The following ARHGAP8 variants were observed in gnomAD, a reference collection of about 807,000 sequenced individuals.
ARHGAP8 encodes the protein Rho GTPase activating protein 8.
Under a neutral mutation model 46.1 loss-of-function variants are expected in ARHGAP8, and 62 were observed. The observed-to-expected ratio is 1.34, with a 90% confidence interval of 1.10 to 1.66. The LOEUF is 1.66. Among genes scored for constraint, ARHGAP8 ranks in the 40% most tolerant of loss-of-function variants. The probability of loss-of-function intolerance (pLI) is 0.00; values close to 1 mark genes in which losing one functional copy is unlikely to be tolerated. For missense variants in ARHGAP8, 923 were observed against 568.4 expected, an observed-to-expected ratio of 1.62 and a Z score of -6.34; for synonymous variants, 375 against 243.1, an observed-to-expected ratio of 1.54 and a Z score of -5.05.
Position 44,779,564 on chromosome 22 carries a change from AT to A in ARHGAP8, c.-71-6878del, listed in dbSNP as rs132489. On this transcript the variant is annotated intron_variant, in intron 1 of 11. Transcript: ENST00000356099. ...TACATGGGCGGTTTCCAGTTTGAGGATTTTTTTTTTTTTTTGAGTTGGAGTC... is the reference window on the plus strand; with the variant it reads ...TACATGGGCGGTTTCCAGTTTGAGGATTTTTTTTTTTTTTGAGTTGGAGTC... Among the ~76,000 whole-genome samples, 1,147 of 126,228 alleles carry A rather than the reference AT, an allele frequency of 9.1e-3. 24 individuals are homozygous for A. The highest frequency in any genetic ancestry group is 0.033 in the African/African-American group (1,072 of 32,900). 82.8% of individuals were successfully genotyped at this position (126,228 alleles called of 152,430 possible).
At chr22:44,830,232 C>A (rs1012215877) in intron 7 of ARHGAP8, among the ~76,000 whole-genome samples, 2 of 152,038 alleles carry the variant, frequency 1.3e-5, no homozygotes, top group African/African-American at 2.4e-5. Flanking sequence ...CCGTGTTGGC[C>A]AGGCTGGTCG....
intron 10 of ARHGAP8, among the ~76,000 whole-genome samples, chr22:44,852,898 G>T (rs2070131992): frequency 6.6e-6 from 1 of 152,178 alleles, no homozygotes; most frequent in South Asian, 2.1e-4. Flanking sequence ...CACCTCCCAG[G>T]TTCAAGCCTT....
intron 4 of ARHGAP8, among the ~76,000 whole-genome samples, chr22:44,811,624 AG>A (rs146600716): frequency 2.6e-5 from 4 of 152,326 alleles, no homozygotes; most frequent in Non-Finnish European, 5.9e-5. Flanking sequence ...AGCAAAAAGG[AG>A]GGACACTCTA....
intron 1 of ARHGAP8, among the ~76,000 whole-genome samples, chr22:44,785,753 CA>C (rs1393689154): frequency 6.6e-6 from 1 of 152,170 alleles, no homozygotes; most frequent in African/African-American, 2.4e-5. Context: ...ATTGGTTTTG[CA>C]TGAGAACCTC....
intron 10 of ARHGAP8, among the ~76,000 whole-genome samples, chr22:44,852,377 C>T (rs918696138): frequency 5.3e-5 from 8 of 151,912 alleles, no homozygotes; most frequent in African/African-American, 1.5e-4. Flanking sequence ...GGAAGACCCC[C>T]TCCCATTAGA....
intron 2 of ARHGAP8, chr22:44,801,735 C>T (rs896276391): frequency 1.1e-5 from 3 of 282,952 alleles, no homozygotes; most frequent in Non-Finnish European, 2.0e-5. Context: ...GGTAGAGTGG[C>T]TACACCCTGC....
chr22:44,826,738 T>C (rs566566620), intron 7 of ARHGAP8, among the ~76,000 whole-genome samples: 2 of 152,054 alleles, frequency 1.3e-5, no homozygotes, highest in African/African-American at 2.4e-5. Context: ...CCAGGGTAGA[T>C]TTTGAAACAT....
At chr22:44,802,191 G>T in intron 3 of ARHGAP8, 27 bp downstream of exon 3, 1 of 1,612,848 alleles carries the variant, frequency 6.2e-7, no homozygotes, top group Non-Finnish European at 8.5e-7. Flanking sequence ...CTCTCTTTCT[G>T]TCCCTGTCTC....
intron 1 of ARHGAP8, 92 bp from the exon 2 acceptor site, chr22:44,786,365 G>C (rs1422486977): frequency 6.8e-7 from 1 of 1,480,906 alleles, no homozygotes; most frequent in African/African-American, 1.4e-5. Flanking sequence ...CAGCAGAGGT[G>C]GGTGACTGTC....
At chr22:44,822,981 A>G (rs1044803741) in intron 6 of ARHGAP8, among the ~76,000 whole-genome samples, 6 of 152,216 alleles carry the variant, frequency 3.9e-5, no homozygotes, top group African/African-American at 9.7e-5. Flanking sequence ...CACAGCCAGT[A>G]CAGGGCGCGG....
At position 44,807,375 on chromosome 22, in the gene ARHGAP8, G is replaced by T. The variant is rs1169256381; in HGVS notation, c.168-932G>T. ...CAGGGCAGGATGGAACGTGGTCCAT[G>T]GGAAATGGGTAGAGCCTACACCATA... On this transcript the variant is annotated intron_variant, in intron 3 of 11. Coordinates refer to ENST00000356099, the MANE Select transcript of ARHGAP8 (RefSeq NM_181335.3). Among the ~76,000 whole-genome samples, 6 of 152,298 alleles carry T rather than the reference G, an allele frequency of 3.9e-5. No homozygotes were observed. The East Asian group carries it at 1.2e-3, about 29-fold the overall frequency.
chr22:44,821,428 C>CA (rs1555915389), intron 5 of ARHGAP8, among the ~76,000 whole-genome samples: 4 of 9,684 alleles, frequency 4.1e-4, no homozygotes, highest in Non-Finnish European at 2.1e-4. Context: ...GACTCCATCT[C>CA]GAAAAAAAAA....
chr22:44,846,771 C>G (rs2147162613), intron 8 of ARHGAP8, among the ~76,000 whole-genome samples: 1 of 152,170 alleles, frequency 6.6e-6, no homozygotes, highest in South Asian at 2.1e-4. Context: ...CTGGGGATAT[C>G]AAAGTGAGCA....
chr22:44,767,324 T>A (rs1020810300), intron 1 of ARHGAP8, among the ~76,000 whole-genome samples: 1 of 152,070 alleles, frequency 6.6e-6, no homozygotes, highest in African/African-American at 2.4e-5. Context: ...TCATTTCGGA[T>A]GCTCTTTCTC....
At chr22:44,780,623 C>G (rs930884183) in intron 1 of ARHGAP8, among the ~76,000 whole-genome samples, 5 of 152,146 alleles carry the variant, frequency 3.3e-5, no homozygotes, top group Admixed American at 3.3e-4. Context: ...GATCGCACCA[C>G]TGCACTCCAG....
At position 44,859,781 on chromosome 22, in the gene ARHGAP8, C is replaced by T. The variant is rs774032047; in HGVS notation, c.928C>T (p.Leu310Phe). The change falls in exon 11 of 12, where the codon CTC becomes TTC. Residue 310 changes from leucine (L) to phenylalanine (F), a missense_variant. Physicochemically the swap from Leu to Phe is conservative, Grantham distance 22. Transcript: ENST00000356099. ...VTGCRQILRS[L>F]PEHNYVVLRY... ...TGGCTGCCGCCAGATCTTACGGAGC[C>T]TCCCAGAGCACAACTACGTCGTCCT... 8.1e-6 allele frequency: 13 copies of T among 1,614,022 alleles called. No homozygotes were observed. The highest frequency in any genetic ancestry group is 4.5e-5 in the East Asian group (2 of 44,894).
chr22:44,844,543 A>C (rs1460384364), intron 7 of ARHGAP8, among the ~76,000 whole-genome samples: 1 of 151,910 alleles, frequency 6.6e-6, no homozygotes, highest in Non-Finnish European at 1.5e-5. Context: ...GCTCACTGCA[A>C]CCTCCACCTC....
rs199833192 is a variant in ARHGAP8, at chr22:44,862,606, ACT to A, written c.*14_*15del. 2,172 of 1,540,648 alleles carry A rather than the reference ACT, an allele frequency of 1.4e-3. 29 individuals are homozygous for A. In the South Asian group the frequency reaches 0.017, roughly 12 times the overall value. On this transcript the variant is annotated 3_prime_UTR_variant, in exon 12 of 12. Transcript: ENST00000356099. The stretch of plus-strand genomic sequence containing the variant: ...AGAAGACGTCTCTAGTGTTGCGAAC[ACT>A]CTGTATATTTCGAGCTACCTCCCAC...
chr22:44,820,769 C>T (rs1333477695), intron 5 of ARHGAP8, among the ~76,000 whole-genome samples: 2 of 152,192 alleles, frequency 1.3e-5, no homozygotes, highest in African/African-American at 4.8e-5. Flanking sequence ...TCCCTCAGCC[C>T]CCGGGTCCGA....
Sources: gnomAD v4.1 joint callset for allele counts (sites outside exome capture counted in the v4.1 genomes callset) on GRCh38, gnomAD v4.1.1 for gene constraint, MANE v1.5 for transcripts, NCBI Gene and HGNC (gene_info 2026-07-23, HGNC 2026-07-21) for gene names.